ANK2: variants seen among roughly 807,000 people sequenced by gnomAD.
ANK2 encodes ankyrin-2.
A neutral mutation model predicts 360.5 loss-of-function variants in ANK2; 83 were observed. That is an observed-to-expected ratio of 0.23 (90% confidence interval 0.19 to 0.28). The LOEUF (loss-of-function observed/expected upper bound fraction) is 0.28. Ranked by LOEUF, ANK2 falls within the 10% of genes least tolerant of loss-of-function variation. The probability of loss-of-function intolerance (pLI) is 1.00; values close to 1 mark genes in which losing one functional copy is unlikely to be tolerated. For missense variants in ANK2, 4,201 were observed against 4,795.7 expected (o/e 0.88, Z 3.66); for synonymous variants, 1,740 against 1,759.5 (o/e 0.99, Z 0.28).
At chr4:113,065,729 G>A (rs547802674) in intron 1 of ANK2, among the ~76,000 whole-genome samples, 2 of 152,348 alleles carry the variant, frequency 1.3e-5, no homozygotes, top group African/African-American at 4.8e-5. Flanking sequence ...GCATGAAGGA[G>A]ACTTGTGATT....
chr4:113,365,306 A>G (rs2096478302), intron 41 of ANK2, 124 bp downstream of exon 41: 3 of 1,025,160 alleles, frequency 2.9e-6, no homozygotes, highest in Non-Finnish European at 4.4e-6. Context: ...ACCATGGCCT[A>G]TGGTGATCAT....
chr4:112,741,074 C>T, the ANK2 span, among the ~76,000 whole-genome samples: 3 of 152,030 alleles, frequency 2.0e-5, no homozygotes, highest in Admixed American at 2.0e-4. Context: ...AAGTGATCCA[C>T]CTGCTTTAGC....
chr4:113,331,573 C>T (rs1376716510), intron 27 of ANK2, among the ~76,000 whole-genome samples: 1 of 152,196 alleles, frequency 6.6e-6, no homozygotes, highest in Admixed American at 6.5e-5. Context: ...CTGTTCCCCT[C>T]GTGCTCAGAT....
intron 18 of ANK2, among the ~76,000 whole-genome samples, chr4:113,285,422 T>C (rs749262307): frequency 6.6e-6 from 1 of 152,180 alleles, no homozygotes; most frequent in Non-Finnish European, 1.5e-5. Context: ...ACCTACTGGC[T>C]TCAAGTTGGG....
At chr4:112,800,813 G>A in the ANK2 span, among the ~76,000 whole-genome samples, 1 of 152,066 alleles carries the variant, frequency 6.6e-6, no homozygotes, top group Non-Finnish European at 1.5e-5. Context: ...CGCCAATGCA[G>A]CGAGCTAATT....
In ANK2 at chr4:113,101,823, A is replaced by G. The variant is rs551693821; in HGVS notation, c.84+52011A>G. On this transcript the variant is annotated intron_variant, in intron 1 of 45. Coordinates refer to ENST00000357077, the MANE Select transcript of ANK2 (RefSeq NM_001148.6). Reference sequence around the variant, plus strand: ...GCATTAAGGGAGGCTTCTATGACCAAGTTATACTGAAGTTGAGATTTGAAG... The same window carrying G: ...GCATTAAGGGAGGCTTCTATGACCAGGTTATACTGAAGTTGAGATTTGAAG... 5.3e-5 allele frequency among the ~76,000 whole-genome samples: 8 copies of G among 152,216 alleles called. No homozygotes were observed. In the East Asian group the frequency reaches 1.4e-3, roughly 26 times the overall value.
chr4:113,195,527 C>G (rs2098734970), intron 2 of ANK2, among the ~76,000 whole-genome samples: 1 of 152,036 alleles, frequency 6.6e-6, no homozygotes, highest in African/African-American at 2.4e-5. Context: ...ATGTGTAAAA[C>G]AGTGTATTTC....
At chr4:113,074,158 T>C (rs927239207) in intron 1 of ANK2, among the ~76,000 whole-genome samples, 1 of 152,250 alleles carries the variant, frequency 6.6e-6, no homozygotes, top group Non-Finnish European at 1.5e-5. Flanking sequence ...ATATTTTGAT[T>C]GATGTGCTTT....
At position 113,336,583 on chromosome 4, in the gene ANK2, C is replaced by A; in HGVS notation, c.3598C>A (p.Pro1200Thr). ...GTGTTTTTACTTTGAAAAGGCTCAA[C>A]CTATGCACAGTGAGCTGGTTAAGAA... Reference protein sequence around the residue: ...KRIRVGLQAQPMHSELVKKIL... With the variant: ...KRIRVGLQAQTMHSELVKKIL... The change falls in exon 31 of 46, where the codon CCT (proline) becomes ACT (threonine). Residue 1200 changes from proline (P) to threonine (T), a missense_variant. Coordinates refer to ENST00000357077, the MANE Select transcript of ANK2 (RefSeq NM_001148.6). The A allele has an allele frequency of 6.2e-7, 1 of 1,613,870 alleles. No individual in the cohort carries two copies. Among genetic ancestry groups the A allele is most frequent in the Non-Finnish European group, 8.5e-7 (1 of 1,179,890 alleles).
At position 113,277,922 on chromosome 4, in the gene ANK2, A is replaced by G. The variant is rs2153698805; in HGVS notation, c.1769A>G (p.Asp590Gly). The G allele has an allele frequency of 6.2e-7, 1 of 1,613,758 alleles. No individual in the cohort carries two copies. The change falls in exon 16 of 46, where the codon GAT becomes GGT. Residue 590 changes from aspartate to glycine, a missense_variant. Coordinates refer to ENST00000357077, the MANE Select transcript of ANK2 (RefSeq NM_001148.6). ...CTCTTGCAACGCCGTGCTGCCGCAG[A>G]TTCTGCAGGGAAGGTAAAGATTTTC... ...KLLLQRRAAA[D>G]SAGKNGLTPL...
intron 34 of ANK2, among the ~76,000 whole-genome samples, chr4:113,345,042 C>T (rs897292423): frequency 6.6e-6 from 1 of 152,026 alleles, no homozygotes; most frequent in South Asian, 2.1e-4. Context: ...AAACTAGACA[C>T]CTTTTTAGGT....
At chr4:113,215,939 A>G (rs984231041) in intron 4 of ANK2, among the ~76,000 whole-genome samples, 2 of 152,186 alleles carry the variant, frequency 1.3e-5, no homozygotes, top group African/African-American at 2.4e-5. Flanking sequence ...CAACTTAATA[A>G]GGAAAGGTAT....
the ANK2 span, chr4:112,739,078 C>A: frequency 1.9e-6 from 1 of 538,876 alleles, no homozygotes; most frequent in South Asian, 1.5e-5. Flanking sequence ...AACCCCAATG[C>A]CAGGCTGTGC....
intron 2 of ANK2, among the ~76,000 whole-genome samples, chr4:113,181,005 C>T (rs1171970940): frequency 6.6e-6 from 1 of 152,144 alleles, no homozygotes; most frequent in Non-Finnish European, 1.5e-5. Flanking sequence ...AATTGAGTAA[C>T]ACCTGTCTAA....
chr4:112,810,961 A>T, the ANK2 span, among the ~76,000 whole-genome samples: 1 of 131,484 alleles, frequency 7.6e-6, no homozygotes. Flanking sequence ...ACTGGGAATG[A>T]GTCTTGCTCT....
At position 113,332,071 on chromosome 4, in the gene ANK2, G is replaced by T; in HGVS notation, c.3224+1G>T. On this transcript the variant is annotated splice_donor_variant, in intron 28 of 45. Coordinates refer to ENST00000357077, the MANE Select transcript of ANK2 (RefSeq NM_001148.6). LOFTEE classifies it high-confidence loss of function. ...GGCCTCCTGGAACCAAATTCCTTGG[G>T]TAGGAGTGACTTAAAACAAATTGAT... The T allele has an allele frequency of 6.2e-7, 1 of 1,612,582 alleles. No individual in the cohort carries two copies. The highest frequency in any genetic ancestry group is 8.5e-7 in the Non-Finnish European group (1 of 1,178,622).
intron 2 of ANK2, among the ~76,000 whole-genome samples, chr4:112,963,557 C>T (rs2035844749): frequency 6.6e-6 from 1 of 152,054 alleles, no homozygotes. Flanking sequence ...TGGACAGTAG[C>T]ACGTGTCTTG....
At chr4:113,250,575 T>G (rs2045616605) in intron 10 of ANK2, among the ~76,000 whole-genome samples, 1 of 152,228 alleles carries the variant, frequency 6.6e-6, no homozygotes, top group Non-Finnish European at 1.5e-5. Context: ...TATTGTATAG[T>G]TCTCTATTAT....
intron 2 of ANK2, among the ~76,000 whole-genome samples, chr4:113,042,123 C>A (rs904892353): frequency 6.6e-6 from 1 of 152,160 alleles, no homozygotes; most frequent in Non-Finnish European, 1.5e-5. Context: ...TGGGCTAGCA[C>A]CATCTACTCC....
Sources: allele counts gnomAD v4.1 joint callset (sites outside exome capture counted in the v4.1 genomes callset), GRCh38; gene constraint gnomAD v4.1.1; transcripts MANE v1.5; gene names NCBI Gene and HGNC (gene_info 2026-07-23, HGNC 2026-07-21).